Variants in CLN8 observed in about 807,000 individuals in gnomAD.
The protein encoded by CLN8 is protein CLN8.
Under a neutral mutation model 15.7 loss-of-function variants are expected in CLN8, and 14 were observed. The ratio of observed to expected loss-of-function variants is 0.89; its 90% CI spans 0.59 to 1.39. CLN8 has a LOEUF of 1.39. Among genes scored for constraint, CLN8 ranks in the 40% most tolerant of loss-of-function variants. The pLI is 0.00. For missense variants in CLN8, 415 were observed against 364.0 expected, an observed-to-expected ratio of 1.14 and a Z score of -1.14; for synonymous variants, 188 against 151.0, an observed-to-expected ratio of 1.25 and a Z score of -1.80.
At chr8:1,779,790 T>G (rs1210540646) in intron 2 of CLN8, among the ~76,000 whole-genome samples, 1 of 152,310 alleles carries the variant, frequency 6.6e-6, no homozygotes, top group South Asian at 2.1e-4. Context: ...TTTCTCTTCT[T>G]ATGACACTAA....
chr8:1,757,103 C>T (rs1563096755), intron 1 of CLN8, among the ~76,000 whole-genome samples: 1 of 152,326 alleles, frequency 6.6e-6, no homozygotes. Context: ...AAGTCCACTT[C>T]GAGGCCAGCG....
At chr8:1,778,897 G>A (rs1801613846) in intron 2 of CLN8, among the ~76,000 whole-genome samples, 1 of 152,186 alleles carries the variant, frequency 6.6e-6, no homozygotes, top group African/African-American at 2.4e-5. Flanking sequence ...AAAATATTGT[G>A]TCAGAAATGT....
intron 2 of CLN8, chr8:1,773,761 A>G (rs1355598889): frequency 1.3e-5 from 2 of 152,196 alleles, no homozygotes; most frequent in African/African-American, 2.4e-5. Flanking sequence ...TGTGCTCCGC[A>G]TTGCCTACTC....
At chr8:1,761,695 G>C (rs1800800795), upstream of CLN8, among the ~76,000 whole-genome samples, 1 of 152,236 alleles carries the variant, frequency 6.6e-6, no homozygotes. Flanking sequence ...TGAGGGGTCA[G>C]ATCAGAGATG....
At chr8:1,776,981 T>C (rs1275052353) in intron 2 of CLN8, among the ~76,000 whole-genome samples, 1 of 152,220 alleles carries the variant, frequency 6.6e-6, no homozygotes, top group African/African-American at 2.4e-5. Context: ...CAGCGTGTGA[T>C]ACCGTTCCAT....
Position 1,784,552 on chromosome 8 carries a change from G to A in CLN8, c.*3985G>A, listed in dbSNP as rs1449683366. On this transcript the variant is annotated 3_prime_UTR_variant, in exon 3 of 3. Transcript: ENST00000331222. Reference sequence around the variant, plus strand: ...CTGGAGGGGACACGGTCACACTGCAGCATCAGCACCCGGTGAATGTGGTTC... The same window carrying A: ...CTGGAGGGGACACGGTCACACTGCAACATCAGCACCCGGTGAATGTGGTTC... The A allele has an allele frequency of 6.6e-6, 1 of 152,292 alleles. No individual in the cohort carries two copies. Among genetic ancestry groups the A allele is most frequent in the Admixed American group, 6.5e-5 (1 of 15,290 alleles). The allele number at this position is 152,292 out of a possible 1,614,324, so 9.4% of individuals were successfully genotyped here.
upstream of CLN8, among the ~76,000 whole-genome samples, chr8:1,755,006 C>A (rs1200813239): frequency 6.6e-6 from 1 of 152,186 alleles, no homozygotes; most frequent in Non-Finnish European, 1.5e-5. Context: ...TATCCTCTTC[C>A]CTACAGACCT....
Position 1,771,343 on chromosome 8 carries a change from C to T in CLN8, c.289C>T (p.Arg97Cys), listed in dbSNP as rs1285178214. ...GDPVLHADKA[R>C]GQQNWCWFHI... The stretch of plus-strand genomic sequence containing the variant: ...CCCTGTGCTGCATGCCGACAAGGCG[C>T]GTGGCCAGCAGAACTGGTGCTGGTT... The change falls in exon 2 of 3, where the codon CGT becomes TGT. Residue 97 changes from arginine to cysteine, a missense_variant. Physicochemically the swap from Arg to Cys is radical, Grantham distance 180 (BLOSUM62 -3). Coordinates refer to ENST00000331222, the MANE Select transcript of CLN8 (RefSeq NM_018941.4). 35 of 1,614,080 alleles carry T rather than the reference C, an allele frequency of 2.2e-5. No individual in the cohort carries two copies. Among genetic ancestry groups the T allele is most frequent in the Middle Eastern group, 3.3e-4 (2 of 6,084 alleles).
upstream of CLN8, chr8:1,760,049 G>A (rs1174088350): frequency 6.6e-6 from 1 of 152,146 alleles, no homozygotes; most frequent in South Asian, 2.1e-4. Flanking sequence ...AAGTAAGACA[G>A]TCCCCTGACA....
intron 1 of CLN8, 107 bp downstream of exon 1, chr8:1,763,992 AG>A (rs67438276): frequency 0.67 from 101,086 of 149,884 alleles, 34,393 homozygotes; most frequent in South Asian, 0.76. Flanking sequence ...GGTGAGGGGC[AG>A]CCCAGGTGAG....
chr8:1,772,350 C>G (rs1186032000), intron 2 of CLN8, among the ~76,000 whole-genome samples: 1 of 152,210 alleles, frequency 6.6e-6, no homozygotes. Context: ...TGGGACCTAG[C>G]ATAGTTATTT....
rs1374005868 is a variant in CLN8 at position 1,782,807 on chromosome 8, T to A, written c.*2240T>A. ...GATAAATTCATCATGTGTTCAGAAT[T>A]CGATTTGGAGTTGGAAGTGGACAGC... On this transcript the variant is annotated 3_prime_UTR_variant, in exon 3 of 3. Coordinates refer to ENST00000331222, the MANE Select transcript of CLN8 (RefSeq NM_018941.4). The A allele has an allele frequency of 6.6e-6, 1 of 152,228 alleles. No homozygotes were observed. The highest frequency in any genetic ancestry group is 2.4e-5 in the African/African-American group (1 of 41,450). 9.4% of individuals were successfully genotyped at this position (152,228 alleles called of 1,614,324 possible). A position where few individuals can be genotyped will look rare whatever the true frequency, so the allele number is the denominator to read the frequency against.
At chr8:1,776,946 C>T (rs1369722627) in intron 2 of CLN8, among the ~76,000 whole-genome samples, 1 of 152,186 alleles carries the variant, frequency 6.6e-6, no homozygotes, top group African/African-American at 2.4e-5. Flanking sequence ...CGGTGAGAGA[C>T]GTTACCCGGA....
At position 1,782,812 on chromosome 8, in the gene CLN8, T is replaced by C. The variant is rs1801740333; in HGVS notation, c.*2245T>C. The C allele has an allele frequency of 6.6e-6, 1 of 152,214 alleles. No homozygotes were observed. The highest frequency in any genetic ancestry group is 2.4e-5 in the African/African-American group (1 of 41,450). The allele number at this position is 152,214 out of a possible 1,614,324, so 9.4% of individuals were successfully genotyped here. A position where few individuals can be genotyped will look rare whatever the true frequency, so the allele number is the denominator to read the frequency against. On this transcript the variant is annotated 3_prime_UTR_variant, in exon 3 of 3. Transcript: ENST00000331222. ...ATTCATCATGTGTTCAGAATTCGATTTGGAGTTGGAAGTGGACAGCCTAAT... is the reference window on the plus strand; with the variant it reads ...ATTCATCATGTGTTCAGAATTCGATCTGGAGTTGGAAGTGGACAGCCTAAT...
chr8:1,769,664 G>C (rs1801220781), intron 1 of CLN8, among the ~76,000 whole-genome samples: 1 of 152,188 alleles, frequency 6.6e-6, no homozygotes, highest in South Asian at 2.1e-4. Flanking sequence ...AGGAAAGGCT[G>C]GAATCAATCA....
chr8:1,775,809 A>C (rs148513595), intron 2 of CLN8, among the ~76,000 whole-genome samples: 1 of 151,714 alleles, frequency 6.6e-6, no homozygotes, highest in African/African-American at 2.4e-5. Context: ...TCAGACACAC[A>C]CTCTTTTCAC....
intron 2 of CLN8, among the ~76,000 whole-genome samples, chr8:1,772,029 G>A (rs1349102544): frequency 6.6e-6 from 1 of 151,930 alleles, no homozygotes; most frequent in Non-Finnish European, 1.5e-5. Flanking sequence ...TCCGCCTCCT[G>A]GGTTCAAGTG....
chr8:1,764,392 C>T (rs980724627), intron 1 of CLN8: 1 of 152,640 alleles, frequency 6.6e-6, no homozygotes, highest in African/African-American at 2.4e-5. Flanking sequence ...CGCCCCTGAC[C>T]TCGCTTCCCT....
chr8:1,755,793 T>C (rs1283868949), exon 1 of CLN8: 1 of 152,198 alleles, frequency 6.6e-6, no homozygotes, highest in Admixed American at 6.5e-5. Context: ...ACTCCATGCT[T>C]GCAGAGTCAT....
Sources: gnomAD v4.1 joint callset for allele counts (sites outside exome capture counted in the v4.1 genomes callset) on GRCh38, gnomAD v4.1.1 for gene constraint, MANE v1.5 for transcripts, NCBI Gene and HGNC (gene_info 2026-07-23, HGNC 2026-07-21) for gene names.